SWT1: variants seen among roughly 807,000 people sequenced by gnomAD.
SWT1 encodes SWT1 RNA endoribonuclease homolog.
Under a neutral mutation model 107.3 loss-of-function variants are expected in SWT1, and 33 were observed. The ratio of observed to expected loss-of-function variants is 0.31; its 90% CI spans 0.23 to 0.41. The LOEUF (loss-of-function observed/expected upper bound fraction) is 0.41. Among genes scored for constraint, SWT1 ranks in the 10% least tolerant of loss-of-function variants. SWT1 has a pLI of 1.00. For missense variants in SWT1, 898 were observed against 1,028.9 expected, an observed-to-expected ratio of 0.87 and a Z score of 1.74; for synonymous variants, 345 against 348.3, an observed-to-expected ratio of 0.99 and a Z score of 0.11.
intron 18 of SWT1, chr1:185,281,473 A>G (rs182851805): frequency 4.5e-4 from 86 of 189,094 alleles, no homozygotes; most frequent in African/African-American, 1.8e-3. Flanking sequence ...AACCAGGTCT[A>G]TGCATGGCTT....
At chr1:185,211,717 A>C (rs1365561277) in intron 13 of SWT1, among the ~76,000 whole-genome samples, 1 of 152,248 alleles carries the variant, frequency 6.6e-6, no homozygotes, top group African/African-American at 2.4e-5. Context: ...TATATAACCA[A>C]AGGACTATAA....
chr1:185,236,002 A>G (rs1660844915), intron 16 of SWT1, among the ~76,000 whole-genome samples: 1 of 152,174 alleles, frequency 6.6e-6, no homozygotes, highest in South Asian at 2.1e-4. Flanking sequence ...GATTTGAACG[A>G]CCTCTTCAAT....
intron 15 of SWT1, chr1:185,227,781 A>G (rs1224657657): frequency 2.7e-6 from 1 of 369,882 alleles, no homozygotes; most frequent in Non-Finnish European, 5.2e-6. Context: ...AAGGCGAGAC[A>G]TTTTTAAAAA....
chr1:185,171,713 T>C (rs1018344862), intron 4 of SWT1: 3 of 476,944 alleles, frequency 6.3e-6, no homozygotes, highest in African/African-American at 6.1e-5. Context: ...GATGCCATGG[T>C]GGCAGTGAAG....
chr1:185,252,181 T>C (rs1267514178), intron 16 of SWT1, among the ~76,000 whole-genome samples: 1 of 152,216 alleles, frequency 6.6e-6, no homozygotes, highest in African/African-American at 2.4e-5. Context: ...CAGTCTATCA[T>C]TGGTGGACAT....
chr1:185,233,464 T>C (rs1172518141), intron 16 of SWT1, among the ~76,000 whole-genome samples: 1 of 152,224 alleles, frequency 6.6e-6, no homozygotes, highest in Non-Finnish European at 1.5e-5. Flanking sequence ...CTCTACACAC[T>C]GCTTTAAATG....
intron 10 of SWT1, among the ~76,000 whole-genome samples, chr1:185,193,248 A>G (rs548061305): frequency 2.6e-5 from 4 of 152,102 alleles, no homozygotes; most frequent in Non-Finnish European, 5.9e-5. Flanking sequence ...TTCTTTGTGA[A>G]TTGAGAACAT....
chr1:185,235,945 A>G (rs369854478), intron 16 of SWT1, among the ~76,000 whole-genome samples: 1 of 152,352 alleles, frequency 6.6e-6, no homozygotes, highest in South Asian at 2.1e-4. Flanking sequence ...CCCATTCACA[A>G]TTGCTACAAA....
chr1:185,219,281 C>A (rs974887643), intron 14 of SWT1, among the ~76,000 whole-genome samples: 11 of 152,002 alleles, frequency 7.2e-5, no homozygotes. Flanking sequence ...TCTGTGTGAC[C>A]TTGGATGAGT....
chr1:185,231,488 A>G (rs1300441376), intron 15 of SWT1, 89 bp from the exon 16 acceptor site: 6 of 908,474 alleles, frequency 6.6e-6, no homozygotes, highest in Non-Finnish European at 8.8e-6. Flanking sequence ...AATAAATACT[A>G]CTTTACTTTA....
At chr1:185,219,029 G>A (rs1659433702) in intron 14 of SWT1, among the ~76,000 whole-genome samples, 1 of 152,144 alleles carries the variant, frequency 6.6e-6, no homozygotes, top group African/African-American at 2.4e-5. Flanking sequence ...ATGCTGGGCT[G>A]TATTTTAAAT....
chr1:185,187,589 A>G (rs1274007008), intron 9 of SWT1, among the ~76,000 whole-genome samples: 2 of 152,190 alleles, frequency 1.3e-5, no homozygotes, highest in South Asian at 2.1e-4. Flanking sequence ...TAGATATTAA[A>G]CATCTTAATA....
At chr1:185,160,516 C>T (rs752425649) in intron 1 of SWT1, among the ~76,000 whole-genome samples, 22 of 152,060 alleles carry the variant, frequency 1.4e-4, no homozygotes, top group Non-Finnish European at 3.1e-4. Context: ...GCCTGACCAA[C>T]ATGGTGAAAC....
intron 18 of SWT1, among the ~76,000 whole-genome samples, chr1:185,288,888 C>G (rs1665096567): frequency 6.6e-6 from 1 of 152,170 alleles, no homozygotes; most frequent in South Asian, 2.1e-4. Context: ...GCCTGGCTGG[C>G]TTTGCCTGAA....
At chr1:185,216,976 G>GA (rs370717313) in intron 14 of SWT1, among the ~76,000 whole-genome samples, 1 of 150,646 alleles carries the variant, frequency 6.6e-6, no homozygotes, top group Non-Finnish European at 1.5e-5. Context: ...GAAAAGAAAA[G>GA]AAAAAAACCA....
intron 10 of SWT1, among the ~76,000 whole-genome samples, chr1:185,200,862 C>A (rs974056691): frequency 6.6e-5 from 10 of 152,202 alleles, no homozygotes; most frequent in African/African-American, 2.4e-4. Context: ...CCGCAGCTTC[C>A]CCCAGGTGCT....
At chr1:185,190,131 A>G (rs1331535002) in intron 9 of SWT1, among the ~76,000 whole-genome samples, 1 of 152,234 alleles carries the variant, frequency 6.6e-6, no homozygotes, top group African/African-American at 2.4e-5. Context: ...TACAGGCGTG[A>G]GCCACTGTGC....
intron 17 of SWT1, among the ~76,000 whole-genome samples, chr1:185,276,392 A>G (rs1192407926): frequency 1.3e-5 from 2 of 152,118 alleles, no homozygotes; most frequent in Non-Finnish European, 2.9e-5. Flanking sequence ...TGGTTCTACT[A>G]ACAGATTAAG....
chr1:185,214,758 TTC>T, intron 14 of SWT1, 103 bp downstream of exon 14: 1 of 950,804 alleles, frequency 1.1e-6, no homozygotes, highest in Non-Finnish European at 1.5e-6. Flanking sequence ...TTCTAACTTA[TTC>T]TAACATACTA....
Sources: gnomAD v4.1 joint callset for allele counts (sites outside exome capture counted in the v4.1 genomes callset) on GRCh38, gnomAD v4.1.1 for gene constraint, MANE v1.5 for transcripts, NCBI Gene and HGNC (gene_info 2026-07-23, HGNC 2026-07-21) for gene names.